Variants in ELMO1 observed in about 807,000 individuals in gnomAD.
The protein encoded by ELMO1 is engulfment and cell motility protein 1.
ELMO1 carries 26 observed loss-of-function variants against 98.9 expected under a neutral mutation model. That is an observed-to-expected ratio of 0.26 (90% CI 0.19 to 0.36). The LOEUF (loss-of-function observed/expected upper bound fraction) is 0.36, where lower values mean the gene tolerates loss of function less well. Ranked by LOEUF, ELMO1 falls within the 10% of genes least tolerant of loss-of-function variation. The pLI, the probability that ELMO1 is intolerant of heterozygous loss-of-function variation, is 1.00. For missense variants in ELMO1, 627 were observed against 935.2 expected, an observed-to-expected ratio of 0.67 and a Z score of 4.30; for synonymous variants, 346 against 346.0, an observed-to-expected ratio of 1.00 and a Z score of 0.00.
chr7:37,243,756 AAC>A (rs1485569188), intron 7 of ELMO1, among the ~76,000 whole-genome samples: 2 of 152,182 alleles, frequency 1.3e-5, no homozygotes, highest in Non-Finnish European at 2.9e-5. Flanking sequence ...GCCTACTTCA[AAC>A]AGTTTGTTAG....
At chr7:37,125,811 G>A (rs915475718) in intron 14 of ELMO1, among the ~76,000 whole-genome samples, 3 of 152,172 alleles carry the variant, frequency 2.0e-5, no homozygotes, top group African/African-American at 7.2e-5. Context: ...ATACCCAAAG[G>A]ATTATAAATC....
At chr7:36,924,948 A>T (rs1041425056) in intron 16 of ELMO1, among the ~76,000 whole-genome samples, 1 of 152,246 alleles carries the variant, frequency 6.6e-6, no homozygotes. Flanking sequence ...ATTTCAATTC[A>T]GAACAGTTTT....
intron 13 of ELMO1, among the ~76,000 whole-genome samples, chr7:37,163,485 C>T (rs6971333): frequency 0.039 from 5,878 of 151,802 alleles, 400 homozygotes; most frequent in African/African-American, 0.14. Flanking sequence ...CAATGCTATC[C>T]CTCCCCCATC....
rs138240888 is a variant in ELMO1, at chr7:37,277,706, C to T, written c.193-5824G>A. On this transcript the variant is annotated intron_variant, in intron 4 of 21. Coordinates refer to ENST00000310758, the MANE Select transcript of ELMO1 (RefSeq NM_014800.11). ...CTTTGGGAACAAGGGTCATGTGGCCCGCTTCATGAGAAAGGAATCCAGAGC... is the reference window on the plus strand; with the variant it reads ...CTTTGGGAACAAGGGTCATGTGGCCTGCTTCATGAGAAAGGAATCCAGAGC... Among the ~76,000 whole-genome samples, 71 of 152,256 alleles carry T rather than the reference C, an allele frequency of 4.7e-4. 1 individual carries two copies. The highest frequency in any genetic ancestry group is 4.0e-3 in the East Asian group (21 of 5,188).
chr7:36,962,916 G>GGAAAATTGGAAAAGTGA (rs1182402007), intron 16 of ELMO1, among the ~76,000 whole-genome samples: 1 of 152,050 alleles, frequency 6.6e-6, no homozygotes, highest in African/African-American at 2.4e-5. Flanking sequence ...AAAGTATTAC[G>GGAAAATTGGAAAAGTGA]GAAAATTGGA....
rs80064525 is a variant in ELMO1, at chr7:37,389,387, G to C, written c.-73-46624C>G. Among the ~76,000 whole-genome samples, 7 of 152,206 alleles carry C rather than the reference G, an allele frequency of 4.6e-5. No individual in the cohort carries two copies. In the East Asian group the frequency reaches 1.4e-3, roughly 29 times the overall value. On this transcript the variant is annotated intron_variant, in intron 1 of 21. Coordinates refer to ENST00000310758, the MANE Select transcript of ELMO1 (RefSeq NM_014800.11). ...AGAAAGGACTTTCCAAGTTCAAAAG[G>C]ATTTTTTGTTAAGCAGTCTTGGTAA...
intron 21 of ELMO1, among the ~76,000 whole-genome samples, chr7:36,861,177 T>C (rs1475014913): frequency 6.6e-6 from 1 of 152,150 alleles, no homozygotes; most frequent in Non-Finnish European, 1.5e-5. Context: ...ATTATACATA[T>C]AACAAGATGT....
chr7:37,028,355 C>T (rs1042586590), intron 15 of ELMO1, among the ~76,000 whole-genome samples: 8 of 152,052 alleles, frequency 5.3e-5, no homozygotes, highest in Middle Eastern at 3.4e-3. Flanking sequence ...TTTTTTCCTC[C>T]GACCTACCAT....
At chr7:36,913,749 A>G (rs1443293573) in intron 16 of ELMO1, among the ~76,000 whole-genome samples, 1 of 152,206 alleles carries the variant, frequency 6.6e-6, no homozygotes, top group Non-Finnish European at 1.5e-5. Context: ...ATGAGTCCCT[A>G]TGCTATAGTT....
At chr7:37,429,066 A>G (rs1804824915) in intron 1 of ELMO1, among the ~76,000 whole-genome samples, 1 of 151,930 alleles carries the variant, frequency 6.6e-6, no homozygotes, top group Admixed American at 6.6e-5. Context: ...ATTTTTTCCA[A>G]CTGGGCAAGG....
intron 13 of ELMO1, among the ~76,000 whole-genome samples, chr7:37,193,335 G>C (rs997409106): frequency 3.3e-5 from 5 of 152,088 alleles, no homozygotes; most frequent in African/African-American, 1.2e-4. Flanking sequence ...AGGCCCCCTG[G>C]CTCTCTATGA....
rs75591913 is a variant in ELMO1, at chr7:36,862,420, C to T, written c.1906-684G>A. Among the ~76,000 whole-genome samples, 81 of 152,316 alleles carry T rather than the reference C, an allele frequency of 5.3e-4. 2 individuals carry two copies. The East Asian group carries it at 8.1e-3, about 15-fold the overall frequency. On this transcript the variant is annotated intron_variant, in intron 20 of 21. Transcript: ENST00000310758. ...CATTGGTGAAAACCTACGGAGTGCA[C>T]GCAATGAGCCAGGCCCAGAAGTCTA... is the stretch of plus-strand genomic sequence containing the variant.
intron 1 of ELMO1, among the ~76,000 whole-genome samples, chr7:37,439,894 A>T (rs1355393579): frequency 6.6e-6 from 1 of 152,214 alleles, no homozygotes; most frequent in Admixed American, 6.5e-5. Context: ...TTACTATAAA[A>T]GTGACAGCAC....
chr7:37,264,112 G>C (rs943148581), intron 5 of ELMO1, among the ~76,000 whole-genome samples: 1 of 152,184 alleles, frequency 6.6e-6, no homozygotes, highest in Non-Finnish European at 1.5e-5. Flanking sequence ...AATATTAAGA[G>C]AAACAGCCAA....
At chr7:37,402,058 T>G (rs1803560983) in intron 1 of ELMO1, among the ~76,000 whole-genome samples, 1 of 152,240 alleles carries the variant, frequency 6.6e-6, no homozygotes, top group Admixed American at 6.5e-5. Context: ...TCGTTCCCTA[T>G]GAAGACTCCT....
chr7:37,296,558 C>T (rs1798036910), intron 4 of ELMO1, among the ~76,000 whole-genome samples: 1 of 152,220 alleles, frequency 6.6e-6, no homozygotes, highest in African/African-American at 2.4e-5. Context: ...GAAGTGATAG[C>T]CCCTCTTATT....
chr7:37,127,549 C>T (rs2541075), intron 14 of ELMO1, among the ~76,000 whole-genome samples: 14,378 of 152,152 alleles, frequency 0.094, 832 homozygotes, highest in African/African-American at 0.15. Flanking sequence ...GATAACAATG[C>T]TTGTTCCTAG....
chr7:37,315,860 A>G (rs2131102544), intron 3 of ELMO1, 60 bp downstream of exon 3: 1 of 1,408,544 alleles, frequency 7.1e-7, no homozygotes, highest in South Asian at 1.2e-5. Flanking sequence ...CTGGAAATAT[A>G]TTATTTGCTT....
At chr7:37,129,692 T>C (rs1786775168) in intron 14 of ELMO1, among the ~76,000 whole-genome samples, 1 of 152,212 alleles carries the variant, frequency 6.6e-6, no homozygotes, top group Non-Finnish European at 1.5e-5. Context: ...TTATCTCCAT[T>C]TCTCTATAAT....
Sources: gnomAD v4.1 joint callset for allele counts (sites outside exome capture counted in the v4.1 genomes callset) on GRCh38, gnomAD v4.1.1 for gene constraint, MANE v1.5 for transcripts, NCBI Gene and HGNC (gene_info 2026-07-23, HGNC 2026-07-21) for gene names.